ANO4: variants seen among roughly 807,000 people sequenced by gnomAD.
The protein encoded by ANO4 is anoctamin 4, also known as anoctamin-4.
ANO4 carries 69 observed loss-of-function variants against 141.9 expected under a neutral mutation model. The ratio of observed to expected loss-of-function variants is 0.49; its 90% CI spans 0.40 to 0.59. The LOEUF is 0.59. ANO4 is among the 20% of genes least tolerant of loss of function. ANO4 has a pLI of 0.00. For synonymous variants in ANO4, 350 were observed against 394.3 expected (o/e 0.89, Z 1.33); for missense variants, 894 against 1,162.2 (o/e 0.77, Z 3.36).
upstream of ANO4, chr12:100,717,473 A>AG: frequency 2.5e-6 from 1 of 398,016 alleles, no homozygotes; most frequent in Non-Finnish European, 4.4e-6. Flanking sequence ...CGCAGCGCGC[A>AG]GGGGGCCGCT....
intron 5 of ANO4, among the ~76,000 whole-genome samples, chr12:100,948,450 A>G (rs2042832834): frequency 6.6e-6 from 1 of 152,174 alleles, no homozygotes; most frequent in Admixed American, 6.5e-5. Flanking sequence ...ACCTATATAT[A>G]GTGCCAATCT....
intron 1 of ANO4, among the ~76,000 whole-genome samples, chr12:100,890,263 A>C (rs1227973793): frequency 6.6e-6 from 1 of 152,224 alleles, no homozygotes; most frequent in Non-Finnish European, 1.5e-5. Context: ...CAGCTACTAC[A>C]AGATAGACCC....
intron 1 of ANO4, among the ~76,000 whole-genome samples, chr12:100,730,318 C>T (rs147746320): frequency 1.3e-5 from 2 of 151,980 alleles, no homozygotes; most frequent in Non-Finnish European, 2.9e-5. Context: ...CCCCTGCCCC[C>T]CAAGAGTGAG....
chr12:100,907,400 A>G (rs2040895291), intron 2 of ANO4, among the ~76,000 whole-genome samples: 1 of 152,154 alleles, frequency 6.6e-6, no homozygotes, highest in Admixed American at 6.5e-5. Flanking sequence ...GCTTCCTCCA[A>G]GAAGCTTTCT....
intron 1 of ANO4, among the ~76,000 whole-genome samples, chr12:100,879,469 C>T (rs912984954): frequency 1.1e-4 from 17 of 152,120 alleles, no homozygotes; most frequent in African/African-American, 4.1e-4. Flanking sequence ...TTGGGAGACC[C>T]TCAGGGTTGA....
chr12:100,772,491 A>G (rs998007009), intron 3 of ANO4, among the ~76,000 whole-genome samples: 26 of 152,158 alleles, frequency 1.7e-4, no homozygotes, highest in African/African-American at 6.3e-4. Flanking sequence ...CAGGGAGTCC[A>G]TGTGGCATAG....
At chr12:101,038,125 C>G (rs956928688) in intron 10 of ANO4, among the ~76,000 whole-genome samples, 1 of 152,196 alleles carries the variant, frequency 6.6e-6, no homozygotes, top group African/African-American at 2.4e-5. Flanking sequence ...AAGCTGCCAT[C>G]TGAAACTCTG....
intron 14 of ANO4, among the ~76,000 whole-genome samples, chr12:101,075,366 C>T (rs1348578621): frequency 6.6e-6 from 1 of 151,932 alleles, no homozygotes; most frequent in Non-Finnish European, 1.5e-5. Flanking sequence ...CCACTGATTC[C>T]CAAGACACCT....
rs118139880 is a variant in ANO4, at chr12:100,954,724, C to T, written c.456+12189C>T. On this transcript the variant is annotated intron_variant, in intron 5 of 27. Coordinates refer to ENST00000392977, the MANE Select transcript of ANO4 (RefSeq NM_001286615.2). ...TGTAAGGTCTGAAATCTAACACCTG[C>T]CTTTGAGACAGAGGAGCAGCTATTT... Among the ~76,000 whole-genome samples the T allele has an allele frequency of 7.2e-3, 1,094 of 152,312 alleles. 8 individuals are homozygous for T. Among genetic ancestry groups the T allele is most frequent in the Non-Finnish European group, 0.011 (773 of 68,022 alleles).
intron 14 of ANO4, among the ~76,000 whole-genome samples, chr12:101,063,795 A>G (rs1420356878): frequency 1.3e-5 from 1 of 77,254 alleles, no homozygotes. Flanking sequence ...GAAAGAGTCA[A>G]TTTGTGAATT....
chr12:100,817,600 G>T (rs1463246392), intron 1 of ANO4, among the ~76,000 whole-genome samples: 1 of 151,876 alleles, frequency 6.6e-6, no homozygotes, highest in African/African-American at 2.4e-5. Flanking sequence ...GTGACAGAAA[G>T]AAACTATTGT....
chr12:100,810,075 T>C (rs1418617457), intron 1 of ANO4, among the ~76,000 whole-genome samples: 1 of 152,042 alleles, frequency 6.6e-6, no homozygotes, highest in African/African-American at 2.4e-5. Flanking sequence ...TAAGGTGATA[T>C]GTAAGTTGAT....
chr12:100,930,167 C>T (rs1417249257), intron 3 of ANO4, among the ~76,000 whole-genome samples: 1 of 152,134 alleles, frequency 6.6e-6, no homozygotes, highest in East Asian at 1.9e-4. Flanking sequence ...CTTTGCTGCG[C>T]AGAAGCTTTT....
At chr12:101,104,418 C>A (rs2050326286) in intron 22 of ANO4, among the ~76,000 whole-genome samples, 2 of 151,024 alleles carry the variant, frequency 1.3e-5, no homozygotes, top group South Asian at 4.2e-4. Flanking sequence ...ATTTTATTAG[C>A]AAAACATTTT....
chr12:100,885,006 T>C (rs1232347263), intron 1 of ANO4, among the ~76,000 whole-genome samples: 9 of 152,218 alleles, frequency 5.9e-5, no homozygotes, highest in Admixed American at 5.9e-4. Flanking sequence ...CGGTGCCTTT[T>C]CCAGCTCCTA....
chr12:100,884,819 C>G (rs569061569), intron 1 of ANO4, among the ~76,000 whole-genome samples: 1 of 152,208 alleles, frequency 6.6e-6, no homozygotes, highest in Non-Finnish European at 1.5e-5. Flanking sequence ...CTCAGCCCCC[C>G]GAGTAGCTGG....
intron 1 of ANO4, among the ~76,000 whole-genome samples, chr12:100,897,627 C>T (rs1489067334): frequency 1.3e-5 from 2 of 152,182 alleles, no homozygotes; most frequent in African/African-American, 4.8e-5. Context: ...GAGAAATGGA[C>T]CATCCATGTA....
intron 5 of ANO4, among the ~76,000 whole-genome samples, chr12:100,949,706 TTAA>T (rs1270287070): frequency 6.6e-6 from 1 of 152,226 alleles, no homozygotes; most frequent in Non-Finnish European, 1.5e-5. Flanking sequence ...TGTGTATGCA[TTAA>T]TGAGATTTAT....
chr12:101,089,118 C>T (rs770355518), intron 17 of ANO4, among the ~76,000 whole-genome samples: 6 of 152,062 alleles, frequency 3.9e-5, no homozygotes, highest in Non-Finnish European at 8.8e-5. Flanking sequence ...ATTATCCATA[C>T]AGGTTTATCT....
Sources: allele counts gnomAD v4.1 joint callset (sites outside exome capture counted in the v4.1 genomes callset), GRCh38; gene constraint gnomAD v4.1.1; transcripts MANE v1.5; gene names NCBI Gene and HGNC (gene_info 2026-07-23, HGNC 2026-07-21).